CNTN4: variants seen among roughly 807,000 people sequenced by gnomAD.
CNTN4 encodes contactin 4.
CNTN4 carries 77 observed loss-of-function variants against 122.5 expected under a neutral mutation model. That is an observed-to-expected ratio of 0.63 (90% CI 0.52 to 0.76). CNTN4 has a LOEUF of 0.76. CNTN4 is among the 30% of genes least tolerant of loss of function. The pLI is 0.00. For synonymous variants in CNTN4, 512 were observed against 447.0 expected (o/e 1.15, Z -1.83); for missense variants, 1,256 against 1,259.1 (o/e 1.00, Z 0.04).
At chr3:3,011,445 T>C (rs988029708) in intron 14 of CNTN4, among the ~76,000 whole-genome samples, 2 of 152,162 alleles carry the variant, frequency 1.3e-5, no homozygotes, top group African/African-American at 4.8e-5. Flanking sequence ...GGTCCTGAAA[T>C]GTGGATACAA....
intron 7 of CNTN4, among the ~76,000 whole-genome samples, chr3:2,825,130 T>C (rs1419224365): frequency 6.6e-6 from 1 of 152,142 alleles, no homozygotes; most frequent in Non-Finnish European, 1.5e-5. Context: ...CCTATAATTC[T>C]AGCATTTTGT....
At chr3:2,330,983 A>C (rs2043694512) in intron 2 of CNTN4, among the ~76,000 whole-genome samples, 1 of 152,186 alleles carries the variant, frequency 6.6e-6, no homozygotes, top group Non-Finnish European at 1.5e-5. Context: ...GGAATGTCAA[A>C]AATTGGCATA....
intron 13 of CNTN4, 136 bp downstream of exon 13, chr3:2,925,915 G>A: frequency 1.3e-6 from 1 of 746,154 alleles, no homozygotes. Context: ...CAGAAGCTTT[G>A]GAAGGATGAG....
chr3:2,991,363 A>T (rs541087682), intron 14 of CNTN4, among the ~76,000 whole-genome samples: 1 of 152,216 alleles, frequency 6.6e-6, no homozygotes, highest in Non-Finnish European at 1.5e-5. Flanking sequence ...TGTGTTTCCA[A>T]GCAGAGTTAT....
chr3:2,699,615 C>T (rs2086248536), intron 4 of CNTN4, among the ~76,000 whole-genome samples: 1 of 152,138 alleles, frequency 6.6e-6, no homozygotes, highest in African/African-American at 2.4e-5. Flanking sequence ...TCAGGGAGCG[C>T]TTAGTGTCCG....
chr3:2,249,671 T>A (rs1311092520), intron 2 of CNTN4, among the ~76,000 whole-genome samples: 1 of 151,884 alleles, frequency 6.6e-6, no homozygotes, highest in African/African-American at 2.4e-5. Flanking sequence ...TGGTAAAACA[T>A]GTAAATGAGA....
intron 2 of CNTN4, among the ~76,000 whole-genome samples, chr3:2,276,563 T>A (rs1160160360): frequency 1.3e-5 from 2 of 152,188 alleles, no homozygotes; most frequent in Admixed American, 6.5e-5. Flanking sequence ...TTCTATTTTT[T>A]AGGATCTCTG....
At chr3:2,100,171 T>G (rs2031794222) in intron 1 of CNTN4, among the ~76,000 whole-genome samples, 1 of 152,110 alleles carries the variant, frequency 6.6e-6, no homozygotes, top group Admixed American at 6.5e-5. Context: ...TGAGGTGTGT[T>G]GGAGGTTTAT....
intron 2 of CNTN4, among the ~76,000 whole-genome samples, chr3:2,217,033 C>T (rs1394433991): frequency 6.6e-6 from 1 of 152,160 alleles, no homozygotes; most frequent in African/African-American, 2.4e-5. Context: ...GATCTTTCTA[C>T]TCTATCTCAG....
At chr3:2,668,085 G>A (rs1475308768) in intron 4 of CNTN4, among the ~76,000 whole-genome samples, 2 of 151,976 alleles carry the variant, frequency 1.3e-5, no homozygotes, top group African/African-American at 4.8e-5. Context: ...GCTCTTTTTT[G>A]GTTCCATATG....
At chr3:2,449,586 G>A (rs1468822876) in intron 3 of CNTN4, among the ~76,000 whole-genome samples, 2 of 145,120 alleles carry the variant, frequency 1.4e-5, no homozygotes, top group East Asian at 2.0e-4. Flanking sequence ...CTGCACTCCA[G>A]CCTGGGTGAC....
chr3:2,426,293 G>A (rs1417440315), intron 3 of CNTN4, among the ~76,000 whole-genome samples: 1 of 152,132 alleles, frequency 6.6e-6, no homozygotes, highest in Non-Finnish European at 1.5e-5. Context: ...GTTGAATTTT[G>A]TTGAAGTCCT....
chr3:2,920,052 C>A (rs1004925427), intron 12 of CNTN4, among the ~76,000 whole-genome samples: 5 of 151,918 alleles, frequency 3.3e-5, no homozygotes, highest in Admixed American at 3.3e-4. Context: ...AAATGGCTCC[C>A]GTGCTCAAAG....
chr3:2,468,840 ATG>A (rs1017262818), intron 3 of CNTN4, among the ~76,000 whole-genome samples: 1 of 152,154 alleles, frequency 6.6e-6, no homozygotes, highest in Non-Finnish European at 1.5e-5. Flanking sequence ...GGGGAAAGGG[ATG>A]CACCATTAGG....
At chr3:2,492,021 A>G (rs953562594) in intron 3 of CNTN4, among the ~76,000 whole-genome samples, 13 of 152,110 alleles carry the variant, frequency 8.5e-5, no homozygotes, top group Non-Finnish European at 1.8e-4. Flanking sequence ...AATTTAGACT[A>G]TATCACATTG....
At chr3:2,575,623 C>T (rs961766460) in intron 4 of CNTN4, among the ~76,000 whole-genome samples, 2 of 152,062 alleles carry the variant, frequency 1.3e-5, no homozygotes, top group Non-Finnish European at 2.9e-5. Context: ...CAGGACCCAC[C>T]GTCTAACCTT....
intron 3 of CNTN4, among the ~76,000 whole-genome samples, chr3:2,372,327 G>T (rs1485058546): frequency 6.6e-6 from 1 of 152,218 alleles, no homozygotes; most frequent in Non-Finnish European, 1.5e-5. Context: ...AAAGACTTAT[G>T]AACATCGTGG....
chr3:2,867,004 G>A (rs2150834556), intron 8 of CNTN4, 55 bp downstream of exon 8: 1 of 1,474,962 alleles, frequency 6.8e-7, no homozygotes, highest in Non-Finnish European at 9.5e-7. Context: ...GGATGAATGT[G>A]GAGGTATGTT....
At chr3:2,533,106 A>T (rs1322606168) in intron 3 of CNTN4, among the ~76,000 whole-genome samples, 1 of 151,992 alleles carries the variant, frequency 6.6e-6, no homozygotes, top group African/African-American at 2.4e-5. Flanking sequence ...CTTTCTCGGA[A>T]AATGTAGAAG....
Sources: allele counts gnomAD v4.1 joint callset (sites outside exome capture counted in the v4.1 genomes callset), GRCh38; gene constraint gnomAD v4.1.1; transcripts MANE v1.5; gene names NCBI Gene and HGNC (gene_info 2026-07-23, HGNC 2026-07-21).